SERPINE2: variants seen among roughly 807,000 people sequenced by gnomAD.
SERPINE2 encodes serpin family E member 2, also known as glia-derived nexin.
Under a neutral mutation model 36.3 loss-of-function variants are expected in SERPINE2, and 14 were observed. That is an observed-to-expected ratio of 0.39 (90% CI 0.25 to 0.60). SERPINE2 has a LOEUF of 0.60. SERPINE2 is among the 20% of genes least tolerant of loss of function. The probability of loss-of-function intolerance (pLI) is 0.57; values close to 1 mark genes in which losing one functional copy is unlikely to be tolerated. For missense variants in SERPINE2, 418 were observed against 499.6 expected, an observed-to-expected ratio of 0.84 and a Z score of 1.56; for synonymous variants, 192 against 191.8, an observed-to-expected ratio of 1.00 and a Z score of -0.01.
At chr2:223,989,619 G>T (rs1690572922) in intron 4 of SERPINE2, among the ~76,000 whole-genome samples, 2 of 152,174 alleles carry the variant, frequency 1.3e-5, no homozygotes, top group South Asian at 4.1e-4. Context: ...AAGAAAACAG[G>T]GAACTTATGA....
At position 223,975,760 on chromosome 2, in the gene SERPINE2, A is replaced by G. The variant is rs1689984824; in HGVS notation, c.*107T>C. ...TGTTCCTAAGAACTAGTTTTGAAAA[A>G]GAAGCGATGTACAAAAATATTTAAC... On this transcript the variant is annotated 3_prime_UTR_variant, in exon 9 of 9. Transcript: ENST00000409304. 1.1e-6 allele frequency: 1 copy of G among 915,848 alleles called. No homozygotes were observed. Among genetic ancestry groups the G allele is most frequent in the Non-Finnish European group, 1.6e-6 (1 of 610,256 alleles). 56.7% of individuals were successfully genotyped at this position (915,848 alleles called of 1,614,324 possible). A position where few individuals can be genotyped will look rare whatever the true frequency, so the allele number is the denominator to read the frequency against.
intron 2 of SERPINE2, among the ~76,000 whole-genome samples, chr2:224,000,246 G>A (rs1415458867): frequency 6.6e-6 from 1 of 152,134 alleles, no homozygotes; most frequent in Non-Finnish European, 1.5e-5. Context: ...AGATGTGAAT[G>A]TGACTTTTGC....
chr2:223,977,956 G>A, intron 7 of SERPINE2: 1 of 224,534 alleles, frequency 4.5e-6, no homozygotes, highest in African/African-American at 2.2e-5. Flanking sequence ...AACAGTGTTT[G>A]CCACTAAACA....
At chr2:223,982,635 G>T (rs1437892872) in intron 6 of SERPINE2, 46 bp downstream of exon 6, 7 of 1,170,838 alleles carry the variant, frequency 6.0e-6, no homozygotes, top group Non-Finnish European at 8.9e-6. Flanking sequence ...GTCTCAGTTT[G>T]TAACACTTTC....
At chr2:223,987,769 C>A (rs1474755515) in intron 4 of SERPINE2, among the ~76,000 whole-genome samples, 1 of 152,168 alleles carries the variant, frequency 6.6e-6, no homozygotes, top group Non-Finnish European at 1.5e-5. Flanking sequence ...CTGAAGTAAT[C>A]TGATTTCCAC....
intron 4 of SERPINE2, chr2:223,985,194 TAAG>T (rs1397128359): frequency 1.9e-6 from 1 of 517,298 alleles, no homozygotes; most frequent in African/African-American, 1.9e-5. Flanking sequence ...TTAATTCTGT[TAAG>T]GAGAATTTAA....
intron 8 of SERPINE2, among the ~76,000 whole-genome samples, chr2:223,976,371 C>T (rs1236924515): frequency 1.3e-5 from 2 of 152,136 alleles, no homozygotes; most frequent in Admixed American, 6.6e-5. Flanking sequence ...AGGCTGGTCT[C>T]GAACTCCTGA....
intron 1 of SERPINE2, among the ~76,000 whole-genome samples, chr2:224,023,025 T>C (rs148239243): frequency 6.6e-6 from 1 of 152,282 alleles, no homozygotes; most frequent in East Asian, 1.9e-4. Context: ...TCCTGAGGCC[T>C]CCCCAGCCCT....
chr2:224,002,181 T>A (rs1224834766), intron 1 of SERPINE2, among the ~76,000 whole-genome samples: 1 of 152,100 alleles, frequency 6.6e-6, no homozygotes, highest in Non-Finnish European at 1.5e-5. Context: ...TTCACCATGT[T>A]GGCCAGGCTG....
At position 223,991,792 on chromosome 2, in the gene SERPINE2, C is replaced by T. The variant is rs1422207307; in HGVS notation, c.685+11G>A. The stretch of plus-strand genomic sequence containing the variant: ...ACATCCTAGAACAGGCTTCGCTGAG[C>T]ATGAACTCACCACACCGGAACACGG... On this transcript the variant is annotated intron_variant, in intron 4 of 8. Transcript: ENST00000409304. The T allele has an allele frequency of 6.2e-7, 1 of 1,613,290 alleles. No individual in the cohort carries two copies. Among genetic ancestry groups the T allele is most frequent in the Admixed American group, 1.7e-5 (1 of 60,028 alleles).
rs1692622098 is a variant in SERPINE2 at position 224,039,033 on chromosome 2, G to A, written c.-23+66C>T. On this transcript the variant is annotated intron_variant, in intron 1 of 8. Transcript: ENST00000409304. This position sits in a 1 kb window ranked among gnomAD's most constrained non-coding sequence, Gnocchi z 5.2. ...CAGGGCCGGTGGCGCGCGGAGCCCCGGGGAGCGTCCCCCGCCGAGGGCAGC... is the reference window on the plus strand; with the variant it reads ...CAGGGCCGGTGGCGCGCGGAGCCCCAGGGAGCGTCCCCCGCCGAGGGCAGC... 6.6e-6 allele frequency: 1 copy of A among 151,328 alleles called. No individual in the cohort carries two copies. The highest frequency in any genetic ancestry group is 1.5e-5 in the Non-Finnish European group (1 of 67,764). 9.4% of individuals were successfully genotyped at this position (151,328 alleles called of 1,614,324 possible). A position where few individuals can be genotyped will look rare whatever the true frequency, so the allele number is the denominator to read the frequency against.
intron 1 of SERPINE2, among the ~76,000 whole-genome samples, chr2:224,020,315 A>T (rs1039978323): frequency 6.6e-6 from 1 of 152,198 alleles, no homozygotes; most frequent in Non-Finnish European, 1.5e-5. Context: ...GAGTCAGAAG[A>T]GAGTTGGGGG....
chr2:224,036,642 T>TA (rs59322455), intron 1 of SERPINE2, among the ~76,000 whole-genome samples: 79,821 of 142,552 alleles, frequency 0.56, 23,241 homozygotes, highest in South Asian at 0.68. Context: ...TAATAAAAAT[T>TA]AAAAAAAAAA....
intron 1 of SERPINE2, among the ~76,000 whole-genome samples, chr2:224,008,765 A>G (rs1691515169): frequency 6.6e-6 from 1 of 152,226 alleles, no homozygotes; most frequent in African/African-American, 2.4e-5. Context: ...AATGTTTTAA[A>G]CTGTGGAAAT....
At chr2:223,981,968 G>C (rs1053717188) in intron 6 of SERPINE2, 13 of 151,978 alleles carry the variant, frequency 8.6e-5, no homozygotes, top group African/African-American at 2.7e-4. Context: ...CAACACCTAA[G>C]TCAGAGCCAA....
intron 1 of SERPINE2, among the ~76,000 whole-genome samples, chr2:224,026,189 G>A (rs927147060): frequency 6.6e-6 from 1 of 152,166 alleles, no homozygotes; most frequent in African/African-American, 2.4e-5. Flanking sequence ...GAAGAGGCTG[G>A]GTCGCCAAAT....
Position 223,975,722 on chromosome 2 carries a change from C to T in SERPINE2, c.*145G>A. Reference sequence around the variant, plus strand: ...TCCAATACCTCCCAGAACAGAAACACTTGCATCGAGTCTGTTCCTAAGAAC... The same window carrying T: ...TCCAATACCTCCCAGAACAGAAACATTTGCATCGAGTCTGTTCCTAAGAAC... On this transcript the variant is annotated 3_prime_UTR_variant, in exon 9 of 9. Transcript: ENST00000409304. 1.6e-6 allele frequency: 1 copy of T among 613,964 alleles called. No individual in the cohort carries two copies. The highest frequency in any genetic ancestry group is 2.8e-6 in the Non-Finnish European group (1 of 358,780). 38.0% of individuals were successfully genotyped at this position (613,964 alleles called of 1,614,324 possible).
At chr2:224,003,266 T>C (rs1240761154) in intron 1 of SERPINE2, among the ~76,000 whole-genome samples, 3 of 151,984 alleles carry the variant, frequency 2.0e-5, no homozygotes, top group Non-Finnish European at 2.9e-5. Context: ...GGGAGACAGG[T>C]GGGTGAAGCC....
chr2:224,025,575 G>A (rs1692155445), intron 1 of SERPINE2, among the ~76,000 whole-genome samples: 1 of 152,292 alleles, frequency 6.6e-6, no homozygotes, highest in South Asian at 2.1e-4. Flanking sequence ...GTTAGAAATA[G>A]TACTTTTCAT....
Sources: gnomAD v4.1 joint callset for allele counts (sites outside exome capture counted in the v4.1 genomes callset) on GRCh38, gnomAD v4.1.1 for gene constraint, Gnocchi (gnomAD v3.1) non-coding constraint, MANE v1.5 for transcripts, NCBI Gene and HGNC (gene_info 2026-07-23, HGNC 2026-07-21) for gene names.